Variants in DCLK1 observed in about 807,000 individuals in gnomAD.
The protein encoded by DCLK1 is serine/threonine-protein kinase DCLK1.
In DCLK1, 16 loss-of-function variants were observed where a neutral mutation model predicts 86.2. That is an observed-to-expected ratio of 0.19 (90% CI 0.13 to 0.28). The LOEUF is 0.28. DCLK1 is among the 10% of genes least tolerant of loss of function. The pLI, the probability that DCLK1 is intolerant of heterozygous loss-of-function variation, is 1.00. For synonymous variants in DCLK1, 369 were observed against 370.5 expected (o/e 1.00, Z 0.05); for missense variants, 590 against 940.2 (o/e 0.63, Z 4.87).
Position 35,779,104 on chromosome 13 carries a change from C to T in DCLK1, c.2059-4405G>A, listed in dbSNP as rs762459703. 1.3e-4 allele frequency among the ~76,000 whole-genome samples: 20 copies of T among 152,060 alleles called. 1 individual carries two copies. Among genetic ancestry groups the T allele is most frequent in the Non-Finnish European group, 2.5e-4 (17 of 68,014 alleles). ...AATCTTGGCTCACTGCAACCGCCAC[C>T]TCCCGGGTTCACAGGCACCCACCAC... On this transcript the variant is annotated intron_variant, in intron 16 of 16. Transcript: ENST00000360631.
At chr13:36,008,445 T>G (rs1881118856) in intron 3 of DCLK1, among the ~76,000 whole-genome samples, 1 of 108,610 alleles carries the variant, frequency 9.2e-6, no homozygotes, top group East Asian at 3.0e-4. Context: ...CATTGTTCAA[T>G]TCCCACCTAT....
At chr13:35,971,471 G>C (rs1365729715) in intron 3 of DCLK1, among the ~76,000 whole-genome samples, 1 of 152,128 alleles carries the variant, frequency 6.6e-6, no homozygotes, top group African/African-American at 2.4e-5. Flanking sequence ...TTCATCAAAA[G>C]TCCACAGTAG....
intron 4 of DCLK1, among the ~76,000 whole-genome samples, chr13:35,923,749 C>T (rs1168166406): frequency 6.6e-6 from 1 of 152,058 alleles, no homozygotes; most frequent in Non-Finnish European, 1.5e-5. Flanking sequence ...ACGTGTTAGA[C>T]ATAAGCCACA....
Position 36,115,069 on chromosome 13 carries a change from G to C in DCLK1, c.377-2854C>G, listed in dbSNP as rs935487463. On this transcript the variant is annotated intron_variant, in intron 2 of 16. Coordinates refer to ENST00000360631, the MANE Select transcript of DCLK1 (RefSeq NM_001330071.2). ...TAGTCCCAGCTACTTGGGGGGCTGA[G>C]GTGGGAGAATCACTTGAGCCTGGGT... 3.3e-5 allele frequency among the ~76,000 whole-genome samples: 5 copies of C among 152,176 alleles called. No homozygotes were observed. In the East Asian group the frequency reaches 7.7e-4, roughly 23 times the overall value.
intron 5 of DCLK1, among the ~76,000 whole-genome samples, chr13:35,864,186 G>A (rs900013974): frequency 1.3e-5 from 2 of 152,206 alleles, no homozygotes; most frequent in African/African-American, 4.8e-5. Flanking sequence ...ATTGAAAGGT[G>A]TGAGGCACTC....
chr13:35,797,889 A>G (rs911971933), intron 15 of DCLK1, among the ~76,000 whole-genome samples: 1 of 152,202 alleles, frequency 6.6e-6, no homozygotes, highest in Non-Finnish European at 1.5e-5. Context: ...ATATATATAC[A>G]TCTTTATCAC....
intron 3 of DCLK1, among the ~76,000 whole-genome samples, chr13:36,081,685 C>T (rs1028846429): frequency 1.3e-4 from 20 of 152,064 alleles, no homozygotes; most frequent in Non-Finnish European, 2.5e-4. Flanking sequence ...AGCACACATG[C>T]GCATGAAGGT....
chr13:35,917,289 T>A (rs1189040209), intron 4 of DCLK1, among the ~76,000 whole-genome samples: 1 of 152,252 alleles, frequency 6.6e-6, no homozygotes, highest in Non-Finnish European at 1.5e-5. Flanking sequence ...GCCATGAATC[T>A]ACAATTGGAG....
intron 11 of DCLK1, among the ~76,000 whole-genome samples, chr13:35,818,833 C>T (rs2087329583): frequency 6.6e-6 from 1 of 151,628 alleles, no homozygotes; most frequent in Non-Finnish European, 1.5e-5. Flanking sequence ...TAGTCATGAA[C>T]CATCATGGCA....
chr13:35,780,076 G>A (rs1361789709), intron 16 of DCLK1, among the ~76,000 whole-genome samples: 4 of 151,948 alleles, frequency 2.6e-5, no homozygotes, highest in African/African-American at 9.7e-5. Context: ...ATTTCTAAAA[G>A]GCAGCTTTAC....
intron 4 of DCLK1, among the ~76,000 whole-genome samples, chr13:35,898,157 A>G (rs1332898923): frequency 6.6e-6 from 1 of 152,222 alleles, no homozygotes; most frequent in Non-Finnish European, 1.5e-5. Flanking sequence ...ACACACTTAA[A>G]GCCTAAGAAA....
intron 4 of DCLK1, among the ~76,000 whole-genome samples, chr13:35,934,960 A>C (rs1876676344): frequency 6.6e-6 from 1 of 152,166 alleles, no homozygotes; most frequent in Non-Finnish European, 1.5e-5. Context: ...AAGAGCAAAG[A>C]GCTGGAAAAA....
chr13:35,781,520 A>G (rs943651412), intron 16 of DCLK1, among the ~76,000 whole-genome samples: 1 of 152,240 alleles, frequency 6.6e-6, no homozygotes, highest in African/African-American at 2.4e-5. Flanking sequence ...CAATGCTTGC[A>G]GGATTCACAA....
At chr13:35,824,678 G>A (rs535532050) in intron 10 of DCLK1, among the ~76,000 whole-genome samples, 2 of 152,192 alleles carry the variant, frequency 1.3e-5, no homozygotes, top group Non-Finnish European at 2.9e-5. Flanking sequence ...CCTGCACACC[G>A]ACTGCTACCT....
chr13:36,047,126 A>G (rs1361419365), intron 3 of DCLK1, among the ~76,000 whole-genome samples: 1 of 152,260 alleles, frequency 6.6e-6, no homozygotes, highest in Non-Finnish European at 1.5e-5. Flanking sequence ...TAAAACTACA[A>G]TGAGATATCT....
intron 5 of DCLK1, among the ~76,000 whole-genome samples, chr13:35,870,300 AG>A (rs1160426868): frequency 6.6e-6 from 1 of 152,084 alleles, no homozygotes; most frequent in African/African-American, 2.4e-5. Context: ...AGACTCTTAG[AG>A]AATCAAGGAG....
chr13:35,816,998 C>A (rs1358219744), intron 11 of DCLK1, among the ~76,000 whole-genome samples: 1 of 152,144 alleles, frequency 6.6e-6, no homozygotes, highest in Non-Finnish European at 1.5e-5. Context: ...AAGTGACTCT[C>A]CCACCAACAC....
chr13:35,898,643 T>C (rs1053109203), intron 4 of DCLK1, among the ~76,000 whole-genome samples: 2 of 152,214 alleles, frequency 1.3e-5, no homozygotes, highest in African/African-American at 4.8e-5. Flanking sequence ...GTAAAAAGCA[T>C]ATGGCAGCTC....
rs10589320 is a variant in DCLK1 at position 35,886,007 on chromosome 13, C to CTT, written c.824-14669_824-14668dup. Among the ~76,000 whole-genome samples the CTT allele has an allele frequency of 2.3e-3, 295 of 130,668 alleles. 1 individual carries two copies. The highest frequency in any genetic ancestry group is 3.1e-3 in the African/African-American group (103 of 33,122). 85.7% of individuals were successfully genotyped at this position (130,668 alleles called of 152,430 possible). On this transcript the variant is annotated intron_variant, in intron 4 of 16. Transcript: ENST00000360631. ...TGCTAGATAAAGGCTGAATAGGTTCCTTTTTTTTTTTTTTTTTTTTTTGAG... is the reference window on the plus strand; with the variant it reads ...TGCTAGATAAAGGCTGAATAGGTTCCTTTTTTTTTTTTTTTTTTTTTTTTGAG...
Sources: gnomAD v4.1 joint callset for allele counts (sites outside exome capture counted in the v4.1 genomes callset) on GRCh38, gnomAD v4.1.1 for gene constraint, MANE v1.5 for transcripts, NCBI Gene and HGNC (gene_info 2026-07-23, HGNC 2026-07-21) for gene names.